The following DLGAP4 variants were observed in gnomAD, a reference collection of about 807,000 sequenced individuals.
DLGAP4 encodes the protein DLG associated protein 4, also known as disks large-associated protein 4.
A neutral mutation model predicts 86.9 loss-of-function variants in DLGAP4; 18 were observed. The ratio of observed to expected loss-of-function variants is 0.21; its 90% CI spans 0.14 to 0.31. DLGAP4 has a LOEUF of 0.31. DLGAP4 is among the 10% of genes least tolerant of loss of function. The pLI is 1.00. For synonymous variants in DLGAP4, 548 were observed against 574.3 expected (o/e 0.95, Z 0.65); for missense variants, 1,085 against 1,362.6 (o/e 0.80, Z 3.21).
At chr20:36,494,982 C>T (rs1003166232) in intron 7 of DLGAP4, among the ~76,000 whole-genome samples, 221 of 87,606 alleles carry the variant, frequency 2.5e-3, no homozygotes, top group Middle Eastern at 5.8e-3. Context: ...TTTTTTTGTT[C>T]GGTTTTTTTT....
At chr20:36,352,258 C>A (rs1004903166) in intron 1 of DLGAP4, among the ~76,000 whole-genome samples, 3 of 152,090 alleles carry the variant, frequency 2.0e-5, no homozygotes, top group African/African-American at 7.2e-5. Context: ...TTGTGGGGCC[C>A]TGTAAGCCAG....
chr20:36,459,629 C>T (rs1021926930), intron 7 of DLGAP4, among the ~76,000 whole-genome samples: 27 of 152,020 alleles, frequency 1.8e-4, no homozygotes, highest in African/African-American at 6.3e-4. Context: ...TTTTTTGAAA[C>T]GGAGTTTCGC....
At chr20:36,461,527 G>GGCC (rs746742747) in intron 7 of DLGAP4, 13,712 of 982,496 alleles carry the variant, frequency 0.014, 145 homozygotes, top group East Asian at 0.063. Context: ...GCCCGCCGCT[G>GGCC]GCCGCCGCCG....
chr20:36,394,403 G>A (rs2031880523), intron 2 of DLGAP4, among the ~76,000 whole-genome samples: 1 of 151,972 alleles, frequency 6.6e-6, no homozygotes, highest in Non-Finnish European at 1.5e-5. Context: ...TGAGCTGCAG[G>A]GAGTACCCAG....
At chr20:36,387,197 G>A (rs186710284) in intron 2 of DLGAP4, among the ~76,000 whole-genome samples, 132 of 152,212 alleles carry the variant, frequency 8.7e-4, no homozygotes, top group Non-Finnish European at 1.5e-3. Context: ...TTGATTCATC[G>A]CTCTTTAATT....
chr20:36,447,070 G>A, intron 7 of DLGAP4, 133 bp downstream of exon 7: 3 of 1,441,824 alleles, frequency 2.1e-6, no homozygotes, highest in South Asian at 3.0e-5. Context: ...GGATGGTTGG[G>A]AGCAAAAGCA....
rs929194494 is a variant in DLGAP4 at position 36,436,476 on chromosome 20, G to T, written c.1241+126G>T. ...CCTGCGTGGGAGCCACGCCCCCTTTGAGCCACGCCCACTCATGAGTCCTGC... is the reference window on the plus strand; with the variant it reads ...CCTGCGTGGGAGCCACGCCCCCTTTTAGCCACGCCCACTCATGAGTCCTGC... On this transcript the variant is annotated intron_variant, in intron 4 of 12. Coordinates refer to ENST00000339266, the MANE Select transcript of DLGAP4 (RefSeq NM_001365621.2). 20 of 1,393,350 alleles carry T rather than the reference G, an allele frequency of 1.4e-5. No homozygotes were observed. The South Asian group carries it at 2.7e-4, about 19-fold the overall frequency. The allele number at this position is 1,393,350 out of a possible 1,614,324, so 86.3% of individuals were successfully genotyped here. A position where few individuals can be genotyped will look rare whatever the true frequency, so the allele number is the denominator to read the frequency against.
At chr20:36,518,329 A>G (rs2037164302) in intron 10 of DLGAP4, among the ~76,000 whole-genome samples, 1 of 151,748 alleles carries the variant, frequency 6.6e-6, no homozygotes, top group Admixed American at 6.6e-5. Flanking sequence ...CTCATTCCTA[A>G]TCTTTATTTG....
intron 7 of DLGAP4, among the ~76,000 whole-genome samples, chr20:36,458,519 G>A (rs907719549): frequency 6.6e-6 from 1 of 150,956 alleles, no homozygotes; most frequent in Non-Finnish European, 1.5e-5. Flanking sequence ...GAACCACCGT[G>A]CCTGGCAAAA....
chr20:36,385,684 C>G (rs776184314), intron 2 of DLGAP4, among the ~76,000 whole-genome samples: 48 of 152,226 alleles, frequency 3.2e-4, no homozygotes, highest in African/African-American at 4.6e-4. Flanking sequence ...ACCAGCCTCC[C>G]TAATGGCTCC....
At chr20:36,309,062 C>G (rs2065030573) in intron 1 of DLGAP4, among the ~76,000 whole-genome samples, 3 of 151,882 alleles carry the variant, frequency 2.0e-5, no homozygotes, top group African/African-American at 7.3e-5. Flanking sequence ...AGGCCACGTT[C>G]CCTCCAGCTT....
At chr20:36,435,022 T>C (rs1009531105) in intron 3 of DLGAP4, among the ~76,000 whole-genome samples, 1 of 151,762 alleles carries the variant, frequency 6.6e-6, no homozygotes, top group Non-Finnish European at 1.5e-5. Context: ...GGCGCGAATG[T>C]CCAGAGGGAG....
chr20:36,373,317 G>A (rs1405025181), intron 2 of DLGAP4, among the ~76,000 whole-genome samples: 2 of 152,208 alleles, frequency 1.3e-5, no homozygotes, highest in African/African-American at 2.4e-5. Flanking sequence ...TCAACTCTGG[G>A]TTGTTTCCAT....
rs1164082663 is a variant in DLGAP4, at chr20:36,433,808, T to C, written c.999+1092T>C. Among the ~76,000 whole-genome samples, 3 of 141,800 alleles carry C rather than the reference T, an allele frequency of 2.1e-5. No homozygotes were observed. The East Asian group carries it at 6.5e-4, about 31-fold the overall frequency. 93.0% of individuals were successfully genotyped at this position (141,800 alleles called of 152,430 possible). ...CTGGGATTACAGGCACCCGCCACCA[T>C]GCCTGGTTAATTTTTTGTATGTTTA... On this transcript the variant is annotated intron_variant, in intron 3 of 12. Coordinates refer to ENST00000339266, the MANE Select transcript of DLGAP4 (RefSeq NM_001365621.2).
intron 2 of DLGAP4, among the ~76,000 whole-genome samples, chr20:36,407,789 G>A (rs951549941): frequency 2.0e-5 from 3 of 152,118 alleles, no homozygotes; most frequent in Non-Finnish European, 4.4e-5. Flanking sequence ...TGGAGGGAGC[G>A]TGTCCTGGGA....
At position 36,502,631 on chromosome 20, in the gene DLGAP4, C is replaced by T. The variant is rs35786053; in HGVS notation, c.2512+2020C>T. Among the ~76,000 whole-genome samples the T allele has an allele frequency of 1.6e-3, 237 of 152,178 alleles. 2 individuals are homozygous for T. The highest frequency in any genetic ancestry group is 2.5e-3 in the Non-Finnish European group (167 of 68,004). ...CCTCCCAAAGTGCTGGGATTACAGA[C>T]GTGAGCCACCACACCCGGACAACAA... On this transcript the variant is annotated intron_variant, in intron 10 of 12. Transcript: ENST00000339266.
intron 1 of DLGAP4, among the ~76,000 whole-genome samples, chr20:36,319,261 C>T (rs1555890295): frequency 6.6e-6 from 1 of 152,198 alleles, no homozygotes; most frequent in African/African-American, 2.4e-5. Flanking sequence ...ACTCTGCTCA[C>T]TGGCTATGTG....
intron 1 of DLGAP4, among the ~76,000 whole-genome samples, chr20:36,323,805 G>A (rs1251805521): frequency 2.0e-5 from 3 of 152,176 alleles, no homozygotes; most frequent in East Asian, 3.8e-4. Flanking sequence ...TAGATCCCCC[G>A]CATGCGTAGT....
At chr20:36,369,503 G>A (rs2030838433) in intron 2 of DLGAP4, among the ~76,000 whole-genome samples, 1 of 152,168 alleles carries the variant, frequency 6.6e-6, no homozygotes, top group Admixed American at 6.5e-5. Context: ...TGAGACAGGG[G>A]AATTGCTTGA....
Sources: gnomAD v4.1 joint callset for allele counts (sites outside exome capture counted in the v4.1 genomes callset) on GRCh38, gnomAD v4.1.1 for gene constraint, MANE v1.5 for transcripts, NCBI Gene and HGNC (gene_info 2026-07-23, HGNC 2026-07-21) for gene names.